CD53: variants seen among roughly 807,000 people sequenced by gnomAD.
CD53 encodes CD53 molecule, also known as leukocyte surface antigen CD53.
Under a neutral mutation model 27.3 loss-of-function variants are expected in CD53, and 20 were observed. That is an observed-to-expected ratio of 0.73 (90% CI 0.52 to 1.07). The LOEUF (loss-of-function observed/expected upper bound fraction) is 1.07. Among genes scored for constraint, CD53 ranks in the 50% least tolerant of loss-of-function variants. The pLI, the probability that CD53 is intolerant of heterozygous loss-of-function variation, is 0.00. For missense variants in CD53, 216 were observed against 264.0 expected (o/e 0.82, Z 1.26); for synonymous variants, 106 against 105.3 (o/e 1.01, Z -0.04).
Position 110,891,473 on chromosome 1 carries a change from TAA to T in CD53, c.63+3_63+4del. On this transcript the variant is annotated splice_donor_region_variant and intron_variant, in intron 2 of 7. Coordinates refer to ENST00000271324, the MANE Select transcript of CD53 (RefSeq NM_000560.4). The stretch of plus-strand genomic sequence containing the variant: ...TTTTTCTTCAACTTGCTCTTTTGGG[TAA>T]GTGTATCTCTTCTGAGCACGGTTTA... 6.2e-7 allele frequency: 1 copy of T among 1,609,474 alleles called. No individual in the cohort carries two copies.
At chr1:110,894,287 T>G in intron 3 of CD53, 40 bp from the exon 4 acceptor site, 1 of 1,572,088 alleles carries the variant, frequency 6.4e-7, no homozygotes, top group East Asian at 2.2e-5. Flanking sequence ...GGGACGAGAA[T>G]GGGGATCAGT....
intron 4 of CD53, among the ~76,000 whole-genome samples, chr1:110,894,652 G>T (rs1656988596): frequency 6.6e-6 from 1 of 152,190 alleles, no homozygotes; most frequent in Non-Finnish European, 1.5e-5. Context: ...GCTTTCCTCT[G>T]TGTGTTTGGC....
intron 1 of CD53, among the ~76,000 whole-genome samples, chr1:110,875,867 A>C (rs1448070567): frequency 6.6e-6 from 1 of 152,208 alleles, no homozygotes; most frequent in Non-Finnish European, 1.5e-5. Context: ...AAGCCAGTGG[A>C]TGACCACTCA....
At position 110,883,424 on chromosome 1, in the gene CD53, A is replaced by G. The variant is rs150459097; in HGVS notation, c.-17-7968A>G. Among the ~76,000 whole-genome samples the G allele has an allele frequency of 5.1e-3, 770 of 151,998 alleles. 2 individuals carry two copies. Among genetic ancestry groups the G allele is most frequent in the Middle Eastern group, 0.02 (6 of 294 alleles). Reference sequence around the variant, plus strand: ...CCCCATTTGTTCATAATTTCTTATCATTGTTCTATATCGTTAGATGCTTTT... The same window carrying G: ...CCCCATTTGTTCATAATTTCTTATCGTTGTTCTATATCGTTAGATGCTTTT... On this transcript the variant is annotated intron_variant, in intron 1 of 7. Transcript: ENST00000271324.
chr1:110,896,481 T>C (rs1657066681), intron 5 of CD53, among the ~76,000 whole-genome samples, 172 bp from the exon 6 acceptor site: 1 of 152,128 alleles, frequency 6.6e-6, no homozygotes, highest in Admixed American at 6.5e-5. Context: ...GTGAATGAAA[T>C]GGTATAACAG....
intron 1 of CD53, among the ~76,000 whole-genome samples, chr1:110,884,951 T>C (rs1656512637): frequency 1.3e-5 from 2 of 152,198 alleles, no homozygotes; most frequent in Admixed American, 1.3e-4. Context: ...TACTGTGATA[T>C]TGGTATGGTT....
intron 1 of CD53, among the ~76,000 whole-genome samples, chr1:110,884,755 C>G (rs1396108119): frequency 6.6e-6 from 1 of 152,054 alleles, no homozygotes; most frequent in Non-Finnish European, 1.5e-5. Context: ...AATATAGACA[C>G]TCCAGCCTTT....
At chr1:110,878,012 G>A (rs890552081) in intron 1 of CD53, among the ~76,000 whole-genome samples, 3 of 152,234 alleles carry the variant, frequency 2.0e-5, no homozygotes, top group African/African-American at 7.2e-5. Flanking sequence ...GCCTGGGACG[G>A]TGGAAAGAGC....
At chr1:110,891,564 T>G in intron 2 of CD53, 93 bp downstream of exon 2, 1 of 929,574 alleles carries the variant, frequency 1.1e-6, no homozygotes, top group Non-Finnish European at 1.8e-6. Flanking sequence ...TGGGGTAAAA[T>G]GCATGCGTGT....
At chr1:110,893,514 G>A (rs1656938155) in intron 3 of CD53, among the ~76,000 whole-genome samples, 1 of 152,156 alleles carries the variant, frequency 6.6e-6, no homozygotes, top group South Asian at 2.1e-4. Context: ...TAGAGACAGG[G>A]TTTCTCCATA....
intron 3 of CD53, 196 bp downstream of exon 3, chr1:110,892,729 G>T: frequency 3.7e-6 from 2 of 536,742 alleles, no homozygotes; most frequent in South Asian, 2.8e-5. Flanking sequence ...GGTGAAAGAG[G>T]GCATTGCTAT....
chr1:110,877,227 C>T (rs1397421163), intron 1 of CD53, among the ~76,000 whole-genome samples: 2 of 152,082 alleles, frequency 1.3e-5, no homozygotes, highest in African/African-American at 4.8e-5. Flanking sequence ...TAGAATGTTT[C>T]TCCATTTGGG....
In CD53 at chr1:110,899,132, G is replaced by C. The variant is rs1462717890; in HGVS notation, c.597G>C (p.Gly199=). Residue 199 remains glycine, a synonymous_variant, in exon 8 of 8, where the codon GGG becomes GGC. Transcript: ENST00000271324. ...TICVCVIEVL[G]MSFALTLNCQ... is the part of the protein sequence containing the mutation. The stretch of plus-strand genomic sequence containing the variant: ...CCCAACTCTTTTCACAGGTGTTGGG[G>C]ATGTCCTTTGCACTGACCCTGAACT... 6 of 1,613,624 alleles carry C rather than the reference G, an allele frequency of 3.7e-6. No individual in the cohort carries two copies. The highest frequency in any genetic ancestry group is 5.1e-6 in the Non-Finnish European group (6 of 1,179,662).
At chr1:110,882,558 T>C (rs1656400221) in intron 1 of CD53, among the ~76,000 whole-genome samples, 1 of 152,066 alleles carries the variant, frequency 6.6e-6, no homozygotes, top group African/African-American at 2.4e-5. Flanking sequence ...TCTAAGTCTT[T>C]TGCATTCCCA....
Position 110,891,414 on chromosome 1 carries a change from C to A in CD53, c.6C>A (p.Gly2=). The A allele has an allele frequency of 1.2e-6, 2 of 1,612,860 alleles. No individual in the cohort carries two copies. Among genetic ancestry groups the A allele is most frequent in the South Asian group, 1.1e-5 (1 of 91,060 alleles). The change falls in exon 2 of 8, where the codon GGC becomes GGA. Residue 2 remains glycine, a synonymous_variant. Coordinates refer to ENST00000271324, the MANE Select transcript of CD53 (RefSeq NM_000560.4). The part of the protein sequence containing the change: M[G]MSSLKLLKYV... Reference sequence around the variant, plus strand: ...TAGGGCAAGAATATCACGGCATGGGCATGAGTAGCTTGAAACTGCTGAAGT... The same window carrying A: ...TAGGGCAAGAATATCACGGCATGGGAATGAGTAGCTTGAAACTGCTGAAGT...
intron 1 of CD53, among the ~76,000 whole-genome samples, chr1:110,886,871 T>TATATATATATATA (rs1243346959): frequency 3.9e-5 from 3 of 76,080 alleles, no homozygotes; most frequent in African/African-American, 1.1e-4. Flanking sequence ...ATATATATAT[T>TATATATATATATA]TTTTTTTTCT....
At chr1:110,882,909 T>C (rs1656414295) in intron 1 of CD53, among the ~76,000 whole-genome samples, 1 of 152,040 alleles carries the variant, frequency 6.6e-6, no homozygotes, top group South Asian at 2.1e-4. Flanking sequence ...TTGAATCTTG[T>C]TTCTAGCAAC....
chr1:110,878,543 CTT>C (rs1180179098), intron 1 of CD53, among the ~76,000 whole-genome samples: 3 of 152,044 alleles, frequency 2.0e-5, no homozygotes, highest in Admixed American at 6.6e-5. Context: ...TTATACTTTT[CTT>C]TATTTTTTAA....
chr1:110,888,125 C>G (rs188258592), intron 1 of CD53, among the ~76,000 whole-genome samples: 28 of 152,324 alleles, frequency 1.8e-4, no homozygotes, highest in African/African-American at 5.3e-4. Flanking sequence ...GAAACAAATT[C>G]TCTCCCTGAG....
Sources: allele counts gnomAD v4.1 joint callset (sites outside exome capture counted in the v4.1 genomes callset), GRCh38; gene constraint gnomAD v4.1.1; transcripts MANE v1.5; gene names NCBI Gene and HGNC (gene_info 2026-07-23, HGNC 2026-07-21).